Variants in MACROD2 observed in about 807,000 individuals in gnomAD.
The protein encoded by MACROD2 is ADP-ribose glycohydrolase MACROD2.
MACROD2 carries 36 observed loss-of-function variants against 70.4 expected under a neutral mutation model. The ratio of observed to expected loss-of-function variants is 0.51; its 90% CI spans 0.39 to 0.68. The LOEUF (loss-of-function observed/expected upper bound fraction) is 0.68. Ranked by LOEUF, MACROD2 falls within the 30% of genes least tolerant of loss-of-function variation. The pLI is 0.00. For missense variants in MACROD2, 496 were observed against 538.4 expected (o/e 0.92, Z 0.78); for synonymous variants, 172 against 178.8 (o/e 0.96, Z 0.30).
chr20:14,774,575 A>G (rs920752067), intron 5 of MACROD2, among the ~76,000 whole-genome samples: 2 of 152,088 alleles, frequency 1.3e-5, no homozygotes, highest in African/African-American at 2.4e-5. Context: ...GAGGACACAT[A>G]AAATATAAAG....
chr20:13,995,919 C>G lies in MACROD2; in HGVS notation c.46+110C>G. 4 of 1,328,812 alleles carry G rather than the reference C, an allele frequency of 3.0e-6. No homozygotes were observed. Among genetic ancestry groups the G allele is most frequent in the East Asian group, 2.5e-5 (1 of 39,632 alleles). 82.3% of individuals were successfully genotyped at this position (1,328,812 alleles called of 1,614,324 possible). A position where few individuals can be genotyped will look rare whatever the true frequency, so the allele number is the denominator to read the frequency against. On this transcript the variant is annotated intron_variant, in intron 1 of 17. Coordinates refer to ENST00000684519, the MANE Select transcript of MACROD2 (RefSeq NM_001351661.2). This position sits in a 1 kb window ranked among gnomAD's most constrained non-coding sequence, Gnocchi z 4.3. ...TCCGCCCGAGCTCCCGCCTCGCGCC[C>G]TCCCGGCCGGTGCCGCCTCCCTCCG...
intron 3 of MACROD2, chr20:14,325,475 T>C (rs2082717998): frequency 6.5e-6 from 9 of 1,389,544 alleles, no homozygotes; most frequent in African/African-American, 4.3e-5. Flanking sequence ...TTCCAGTGTT[T>C]TGCAGTAGAA....
intron 3 of MACROD2, among the ~76,000 whole-genome samples, chr20:14,402,738 C>T (rs565305230): frequency 6.6e-6 from 1 of 152,116 alleles, no homozygotes; most frequent in Non-Finnish European, 1.5e-5. Context: ...AGTGAACTAA[C>T]AATCATAAAC....
chr20:15,719,569 AT>A (rs1187229875), intron 8 of MACROD2, among the ~76,000 whole-genome samples: 4 of 152,184 alleles, frequency 2.6e-5, no homozygotes. Context: ...CACTTAATAA[AT>A]TTAAATACAA....
At chr20:14,746,393 G>C (rs1387450120) in intron 5 of MACROD2, among the ~76,000 whole-genome samples, 1 of 152,068 alleles carries the variant, frequency 6.6e-6, no homozygotes, top group Non-Finnish European at 1.5e-5. Context: ...CCTGTTTTAA[G>C]GGTTTATTTT....
At chr20:15,058,119 G>A (rs449712) in intron 5 of MACROD2, among the ~76,000 whole-genome samples, 24,380 of 152,084 alleles carry the variant, frequency 0.16, 2,626 homozygotes, top group Non-Finnish European at 0.23. Flanking sequence ...CGTAGGGGAA[G>A]GGCATAGTCT....
intron 8 of MACROD2, among the ~76,000 whole-genome samples, chr20:15,684,917 G>C (rs1228708820): frequency 1.3e-5 from 2 of 152,172 alleles, no homozygotes; most frequent in African/African-American, 4.8e-5. Context: ...TTGGTCAAAA[G>C]AGAGGAAATC....
At chr20:15,987,306 A>G in intron 15 of MACROD2, 148 bp downstream of exon 15, 1 of 657,880 alleles carries the variant, frequency 1.5e-6, no homozygotes. Flanking sequence ...TCCGTTTGAA[A>G]GTAGAGTAAA....
rs16996455 is a variant in MACROD2 at position 15,751,493 on chromosome 20, C to T, written c.646-111252C>T. On this transcript the variant is annotated intron_variant, in intron 8 of 17. Transcript: ENST00000684519. Reference sequence around the variant, plus strand: ...TTGAAGGGTAACATATTTACTATTTCCAGGGTTTTGAAATTTTTGTTAAAT... The same window carrying T: ...TTGAAGGGTAACATATTTACTATTTTCAGGGTTTTGAAATTTTTGTTAAAT... Among the ~76,000 whole-genome samples, 1,175 of 151,998 alleles carry T rather than the reference C, an allele frequency of 7.7e-3. 15 individuals are homozygous for T. Among genetic ancestry groups the T allele is most frequent in the African/African-American group, 0.027 (1,111 of 41,502 alleles).
At chr20:15,292,283 TATCTA>T (rs1221649548) in intron 6 of MACROD2, among the ~76,000 whole-genome samples, 4 of 152,176 alleles carry the variant, frequency 2.6e-5, no homozygotes, top group African/African-American at 7.2e-5. Flanking sequence ...CTAATTAACT[TATCTA>T]ATCTATAAAA....
intron 5 of MACROD2, among the ~76,000 whole-genome samples, chr20:14,710,008 T>A (rs1234685891): frequency 6.6e-6 from 1 of 152,208 alleles, no homozygotes; most frequent in Non-Finnish European, 1.5e-5. Flanking sequence ...ATTTATATAT[T>A]TCTCCATGCA....
chr20:14,016,177 T>G (rs1157874341), intron 2 of MACROD2, among the ~76,000 whole-genome samples: 2 of 152,220 alleles, frequency 1.3e-5, no homozygotes, highest in African/African-American at 4.8e-5. Context: ...TGGTTGTTTG[T>G]GCTTTTGATG....
chr20:14,684,075 G>T (rs1325900705), intron 4 of MACROD2, among the ~76,000 whole-genome samples: 1 of 152,176 alleles, frequency 6.6e-6, no homozygotes, highest in African/African-American at 2.4e-5. Context: ...TAAAGCTAGA[G>T]AGCTGATGAG....
chr20:15,132,710 G>T (rs1023909222), intron 5 of MACROD2, among the ~76,000 whole-genome samples: 1 of 151,996 alleles, frequency 6.6e-6, no homozygotes, highest in East Asian at 1.9e-4. Flanking sequence ...ACAAATATTT[G>T]ACAAAATGCA....
intron 4 of MACROD2, among the ~76,000 whole-genome samples, chr20:14,662,268 G>A (rs1233470791): frequency 1.3e-5 from 2 of 152,048 alleles, no homozygotes; most frequent in Non-Finnish European, 2.9e-5. Context: ...ATGGTGCTGC[G>A]ATAACTGGCT....
chr20:14,483,351 T>C (rs2084684063), intron 3 of MACROD2, among the ~76,000 whole-genome samples: 1 of 152,176 alleles, frequency 6.6e-6, no homozygotes, highest in South Asian at 2.1e-4. Context: ...GTGGGTTTTT[T>C]GATAGATTTT....
At chr20:14,137,736 G>T (rs966256428) in intron 3 of MACROD2, among the ~76,000 whole-genome samples, 4 of 152,092 alleles carry the variant, frequency 2.6e-5, no homozygotes, top group Non-Finnish European at 5.9e-5. Context: ...TGATTTTTAG[G>T]ATATTACACC....
chr20:14,709,114 G>A (rs2071306090), intron 5 of MACROD2, among the ~76,000 whole-genome samples: 1 of 152,082 alleles, frequency 6.6e-6, no homozygotes, highest in Admixed American at 6.5e-5. Context: ...AAAAGAAATG[G>A]GCAAAAGTAG....
chr20:15,310,409 C>T (rs1377511381), intron 6 of MACROD2, among the ~76,000 whole-genome samples: 1 of 152,030 alleles, frequency 6.6e-6, no homozygotes, highest in East Asian at 1.9e-4. Context: ...CTCCAAAAGT[C>T]TACTCATTTG....
Sources: allele counts gnomAD v4.1 joint callset (sites outside exome capture counted in the v4.1 genomes callset), GRCh38; gene constraint gnomAD v4.1.1; non-coding constraint Gnocchi (gnomAD v3.1); transcripts MANE v1.5; gene names NCBI Gene and HGNC (gene_info 2026-07-23, HGNC 2026-07-21).